GRB14: variants seen among roughly 807,000 people sequenced by gnomAD.
GRB14 encodes the protein growth factor receptor bound protein 14.
Under a neutral mutation model 69.1 loss-of-function variants are expected in GRB14, and 38 were observed. The observed-to-expected ratio is 0.55, with a 90% CI of 0.42 to 0.72. The LOEUF (loss-of-function observed/expected upper bound fraction) is 0.72, where lower values mean the gene tolerates loss of function less well. GRB14 is among the 30% of genes least tolerant of loss of function. GRB14 has a pLI of 0.00. For synonymous variants in GRB14, 247 were observed against 241.3 expected (o/e 1.02, Z -0.22); for missense variants, 666 against 666.1 (o/e 1.00, Z 0.00).
At chr2:164,566,709 T>C (rs911100976) in intron 2 of GRB14, among the ~76,000 whole-genome samples, 3 of 152,234 alleles carry the variant, frequency 2.0e-5, no homozygotes, top group Admixed American at 1.3e-4. Flanking sequence ...TCTTTCCTAA[T>C]GTTTTATAAT....
chr2:164,574,264 C>T (rs1327510138), intron 2 of GRB14, among the ~76,000 whole-genome samples: 13 of 139,898 alleles, frequency 9.3e-5, no homozygotes, highest in African/African-American at 2.4e-4. Flanking sequence ...TTTTTTGAGA[C>T]GGAGCCTCAC....
chr2:164,560,227 G>C (rs1448884038), intron 2 of GRB14, among the ~76,000 whole-genome samples: 1 of 152,088 alleles, frequency 6.6e-6, no homozygotes, highest in Non-Finnish European at 1.5e-5. Flanking sequence ...AAAAGTATTA[G>C]ATAAATAAAC....
chr2:164,534,253 T>C (rs1404546111), intron 3 of GRB14, among the ~76,000 whole-genome samples: 9 of 152,160 alleles, frequency 5.9e-5, no homozygotes, highest in Non-Finnish European at 1.2e-4. Context: ...AGAAATTATA[T>C]TACATATTCT....
At chr2:164,548,801 C>G (rs1688452120) in intron 2 of GRB14, among the ~76,000 whole-genome samples, 1 of 152,148 alleles carries the variant, frequency 6.6e-6, no homozygotes, top group Non-Finnish European at 1.5e-5. Flanking sequence ...TTGCATTTAC[C>G]TGATGATTGG....
At chr2:164,577,997 G>A (rs1192611019) in intron 2 of GRB14, among the ~76,000 whole-genome samples, 1 of 152,202 alleles carries the variant, frequency 6.6e-6, no homozygotes, top group African/African-American at 2.4e-5. Context: ...CACTTTTGGA[G>A]GTGGAGGCGG....
intron 2 of GRB14, among the ~76,000 whole-genome samples, chr2:164,606,724 G>GGCACA (rs1690049889): frequency 6.6e-6 from 1 of 152,002 alleles, no homozygotes. Context: ...TAATTTCCTT[G>GGCACA]GCACAGCACA....
chr2:164,575,681 G>C (rs6732617), intron 2 of GRB14, among the ~76,000 whole-genome samples: 1,898 of 152,156 alleles, frequency 0.012, 34 homozygotes, highest in African/African-American at 0.043. Context: ...TGGTAGAAAA[G>C]GGAGGATGAA....
At chr2:164,505,230 G>A (rs1181499951) in intron 8 of GRB14, among the ~76,000 whole-genome samples, 1 of 152,078 alleles carries the variant, frequency 6.6e-6, no homozygotes, top group Non-Finnish European at 1.5e-5. Flanking sequence ...GATGCCTTAA[G>A]AACAGTAAGA....
chr2:164,582,545 C>T (rs921640554), intron 2 of GRB14, among the ~76,000 whole-genome samples: 2 of 151,916 alleles, frequency 1.3e-5, no homozygotes, highest in African/African-American at 4.8e-5. Context: ...CTCAGCCTCC[C>T]GAGTAGCTGG....
intron 6 of GRB14, among the ~76,000 whole-genome samples, chr2:164,515,803 G>GAAAAAAAAAAAAAAAAAAAA (rs55851742): frequency 1.5e-5 from 2 of 137,878 alleles, no homozygotes; most frequent in African/African-American, 2.7e-5. Flanking sequence ...AACTTAGTGA[G>GAAAAAAAAAAAAAAAAAAAA]AAAAAAAAAA....
At chr2:164,583,334 T>C (rs1689458447) in intron 2 of GRB14, among the ~76,000 whole-genome samples, 1 of 147,786 alleles carries the variant, frequency 6.8e-6, no homozygotes, top group South Asian at 2.2e-4. Flanking sequence ...AAAAGGAGAG[T>C]AAAAGGTAGA....
chr2:164,617,190 CCATTGGGCCAAGGA>C (rs539633736), intron 2 of GRB14, among the ~76,000 whole-genome samples: 34 of 152,254 alleles, frequency 2.2e-4, no homozygotes, highest in African/African-American at 8.2e-4. Context: ...GAGATCTCAA[CCATTGGGCCAAGGA>C]AGAGATCAGC....
chr2:164,602,924 T>C (rs1160632859), intron 2 of GRB14, among the ~76,000 whole-genome samples: 1 of 152,090 alleles, frequency 6.6e-6, no homozygotes, highest in Admixed American at 6.6e-5. Flanking sequence ...AAAAGAGATA[T>C]GCAGGAAGAT....
chr2:164,497,554 G>A, intron 9 of GRB14, 64 bp from the exon 10 acceptor site: 1 of 1,096,104 alleles, frequency 9.1e-7, no homozygotes, highest in Non-Finnish European at 1.4e-6. Context: ...CAAATAAATT[G>A]AAAGTGTTTT....
intron 2 of GRB14, among the ~76,000 whole-genome samples, chr2:164,601,048 C>A (rs1689902762): frequency 6.6e-6 from 1 of 152,024 alleles, no homozygotes; most frequent in African/African-American, 2.4e-5. Context: ...GTTCTCTAGG[C>A]CACAGGGCAG....
At chr2:164,594,148 T>TAA (rs537058738) in intron 2 of GRB14, among the ~76,000 whole-genome samples, 6 of 140,962 alleles carry the variant, frequency 4.3e-5, no homozygotes, top group Admixed American at 3.5e-4. Flanking sequence ...GTCTGTCTAA[T>TAA]AAAAAAAAAA....
intron 2 of GRB14, among the ~76,000 whole-genome samples, chr2:164,579,176 G>A (rs866360797): frequency 1.3e-5 from 2 of 152,018 alleles, no homozygotes; most frequent in African/African-American, 4.8e-5. Context: ...TAAGCCAAAA[G>A]ACATAATAAA....
intron 2 of GRB14, among the ~76,000 whole-genome samples, chr2:164,602,932 G>T: frequency 6.6e-6 from 1 of 152,074 alleles, no homozygotes; most frequent in East Asian, 1.9e-4. Flanking sequence ...TATGCAGGAA[G>T]ATTGAACATC....
chr2:164,569,770 T>C (rs1689082545), intron 2 of GRB14, among the ~76,000 whole-genome samples: 1 of 152,168 alleles, frequency 6.6e-6, no homozygotes, highest in African/African-American at 2.4e-5. Flanking sequence ...GTGGCAGTAA[T>C]GCGCTTAATA....
Sources: gnomAD v4.1 joint callset for allele counts (sites outside exome capture counted in the v4.1 genomes callset) on GRCh38, gnomAD v4.1.1 for gene constraint, MANE v1.5 for transcripts, NCBI Gene and HGNC (gene_info 2026-07-23, HGNC 2026-07-21) for gene names.